Variants in MECOM observed in about 807,000 individuals in gnomAD.
The protein encoded by MECOM is MDS1 and EVI1 complex locus.
In MECOM, 13 loss-of-function variants were observed where a neutral mutation model predicts 116.3. That is an observed-to-expected ratio of 0.11 (90% CI 0.07 to 0.18). MECOM has a LOEUF of 0.18. MECOM is among the 10% of genes least tolerant of loss of function. The pLI is 1.00. For missense variants in MECOM, 1,299 were observed against 1,509.0 expected (o/e 0.86, Z 2.31); for synonymous variants, 528 against 535.2 (o/e 0.99, Z 0.19).
intron 1 of MECOM, among the ~76,000 whole-genome samples, chr3:169,385,685 A>G (rs1007104753): frequency 5.9e-5 from 9 of 152,206 alleles, no homozygotes; most frequent in African/African-American, 2.2e-4. Context: ...AACTATCCAA[A>G]AAGCTGCTAA....
intron 1 of MECOM, among the ~76,000 whole-genome samples, chr3:169,428,018 G>A (rs1375065008): frequency 6.6e-6 from 1 of 152,138 alleles, no homozygotes; most frequent in Non-Finnish European, 1.5e-5. Flanking sequence ...GTCAATGCAT[G>A]GGCACAGAGA....
At chr3:169,599,767 T>C (rs1183848546) in intron 1 of MECOM, among the ~76,000 whole-genome samples, 2 of 152,046 alleles carry the variant, frequency 1.3e-5, no homozygotes, top group Non-Finnish European at 2.9e-5. Context: ...TCAAATACAC[T>C]CAACACCACA....
intron 9 of MECOM, among the ~76,000 whole-genome samples, chr3:169,110,030 T>C (rs889584217): frequency 6.6e-6 from 1 of 152,184 alleles, no homozygotes; most frequent in African/African-American, 2.4e-5. Context: ...ATTCCCATTT[T>C]GAAATGAAGA....
At chr3:169,431,433 T>C in intron 1 of MECOM, among the ~76,000 whole-genome samples, 1 of 152,152 alleles carries the variant, frequency 6.6e-6, no homozygotes, top group Admixed American at 6.5e-5. Flanking sequence ...AGTAGAACAT[T>C]ATCAAAACCG....
chr3:169,462,986 T>C (rs1197601656), intron 1 of MECOM, among the ~76,000 whole-genome samples: 1 of 152,188 alleles, frequency 6.6e-6, no homozygotes, highest in South Asian at 2.1e-4. Context: ...CCCAGTTCAA[T>C]AGGACAAAAA....
chr3:169,115,586 T>C lies in MECOM; in HGVS notation c.2286A>G (p.Pro762=), dbSNP rs767217013. The C allele has an allele frequency of 1.9e-6, 3 of 1,614,096 alleles. No individual in the cohort carries two copies. Among genetic ancestry groups the C allele is most frequent in the Non-Finnish European group, 2.5e-6 (3 of 1,180,008 alleles). ...KPLTPVPSKP[P]VTPATSQDQP... ...GGTCTTGGCTTGTGGCAGGTGTCAC[T>C]GGAGGCTTGGAGGGGACTGGAGTCA... The change falls in exon 8 of 17, where the codon CCA becomes CCG. Residue 762 remains proline (P), a synonymous_variant. Coordinates refer to ENST00000651503, the MANE Select transcript of MECOM (RefSeq NM_004991.4).
At chr3:169,538,789 A>G (rs1469267937) in intron 1 of MECOM, among the ~76,000 whole-genome samples, 2 of 152,184 alleles carry the variant, frequency 1.3e-5, no homozygotes, top group Non-Finnish European at 2.9e-5. Flanking sequence ...AGTGACATTA[A>G]TCAGTTGGTG....
intron 1 of MECOM, among the ~76,000 whole-genome samples, chr3:169,637,770 T>G (rs1017882209): frequency 2.0e-5 from 3 of 152,238 alleles, no homozygotes; most frequent in Non-Finnish European, 4.4e-5. Flanking sequence ...AAAGAGCTAC[T>G]CTTCAAATTA....
intron 1 of MECOM, among the ~76,000 whole-genome samples, chr3:169,584,124 A>T (rs1765451027): frequency 6.6e-6 from 1 of 152,178 alleles, no homozygotes; most frequent in African/African-American, 2.4e-5. Context: ...TCCATAAGCA[A>T]GTTTTGTTAT....
At chr3:169,188,633 AT>A (rs1193848222) in intron 2 of MECOM, among the ~76,000 whole-genome samples, 1 of 151,882 alleles carries the variant, frequency 6.6e-6, no homozygotes, top group East Asian at 1.9e-4. Flanking sequence ...TTGTGATCAT[AT>A]TTTTTGCTAG....
At chr3:169,449,864 A>C (rs1469792548) in intron 1 of MECOM, among the ~76,000 whole-genome samples, 1 of 152,202 alleles carries the variant, frequency 6.6e-6, no homozygotes, top group East Asian at 1.9e-4. Flanking sequence ...AAGCAGGTGT[A>C]AACTTGGGTA....
At chr3:169,220,915 G>T (rs1752056699) in intron 2 of MECOM, among the ~76,000 whole-genome samples, 2 of 152,178 alleles carry the variant, frequency 1.3e-5, no homozygotes, top group Non-Finnish European at 1.5e-5. Context: ...CATAGTTGGG[G>T]CTTAAAAATC....
At chr3:169,563,725 G>A (rs10513676) in intron 1 of MECOM, among the ~76,000 whole-genome samples, 14,181 of 152,116 alleles carry the variant, frequency 0.093, 1,560 homozygotes, top group African/African-American at 0.27. Flanking sequence ...CAGGCATAGC[G>A]ATTCACACAT....
intron 1 of MECOM, among the ~76,000 whole-genome samples, chr3:169,542,969 C>T (rs1760281742): frequency 6.6e-6 from 1 of 152,170 alleles, no homozygotes; most frequent in Non-Finnish European, 1.5e-5. Flanking sequence ...TAAAGTGCCA[C>T]AATTAGATGT....
chr3:169,479,156 G>C (rs139173178), intron 1 of MECOM, among the ~76,000 whole-genome samples: 2 of 152,244 alleles, frequency 1.3e-5, no homozygotes, highest in Non-Finnish European at 2.9e-5. Context: ...GTAGCAGGAG[G>C]AATGCTGGAA....
chr3:169,186,628 T>C (rs564258470), intron 2 of MECOM, among the ~76,000 whole-genome samples: 1 of 152,294 alleles, frequency 6.6e-6, no homozygotes, highest in South Asian at 2.1e-4. Flanking sequence ...CTATATTCTG[T>C]GACTCCCAGT....
At chr3:169,523,183 G>A (rs368583885) in intron 1 of MECOM, among the ~76,000 whole-genome samples, 3 of 152,090 alleles carry the variant, frequency 2.0e-5, no homozygotes, top group East Asian at 3.8e-4. Context: ...CTTCCAGACA[G>A]GCTCAGCAAA....
At chr3:169,606,182 C>T (rs533169940) in intron 1 of MECOM, among the ~76,000 whole-genome samples, 4 of 152,016 alleles carry the variant, frequency 2.6e-5, no homozygotes, top group African/African-American at 4.8e-5. Flanking sequence ...GAGGCTGAGG[C>T]GGGTGTATCA....
chr3:169,372,072 T>A (rs536500752), intron 2 of MECOM, among the ~76,000 whole-genome samples: 3 of 152,232 alleles, frequency 2.0e-5, no homozygotes, highest in Admixed American at 2.0e-4. Context: ...CTGACTCCAG[T>A]GTAATCTGTT....
Sources: allele counts gnomAD v4.1 joint callset (sites outside exome capture counted in the v4.1 genomes callset), GRCh38; gene constraint gnomAD v4.1.1; transcripts MANE v1.5; gene names NCBI Gene and HGNC (gene_info 2026-07-23, HGNC 2026-07-21).